The following PCDH15 variants were observed in gnomAD, a reference collection of about 807,000 sequenced individuals.
PCDH15 encodes the protein protocadherin related 15.
PCDH15 carries 129 observed loss-of-function variants against 178.5 expected under a neutral mutation model. The observed-to-expected ratio is 0.72, with a 90% CI of 0.63 to 0.84. The LOEUF (loss-of-function observed/expected upper bound fraction) is 0.84. Ranked by LOEUF, PCDH15 falls within the 40% of genes least tolerant of loss-of-function variation. PCDH15 has a pLI of 0.00. For missense variants in PCDH15, 2,230 were observed against 2,099.9 expected (o/e 1.06, Z -1.21); for synonymous variants, 800 against 732.0 (o/e 1.09, Z -1.50).
chr10:54,739,447 C>T (rs1029412342), intron 1 of PCDH15, among the ~76,000 whole-genome samples: 14 of 150,968 alleles, frequency 9.3e-5, no homozygotes, highest in Admixed American at 6.6e-4. Flanking sequence ...TGGTAAGATA[C>T]CTCATGTTTT....
At chr10:54,170,718 A>G (rs2046808238) in intron 13 of PCDH15, among the ~76,000 whole-genome samples, 1 of 151,190 alleles carries the variant, frequency 6.6e-6, no homozygotes, top group African/African-American at 2.4e-5. Flanking sequence ...CCTGTTCCTC[A>G]CCCTGATCAC....
intron 2 of PCDH15, among the ~76,000 whole-genome samples, chr10:55,043,825 A>T (rs1840929783): frequency 6.6e-6 from 1 of 152,100 alleles, no homozygotes; most frequent in South Asian, 2.1e-4. Flanking sequence ...GACTATCTGG[A>T]TACTTGCTTA....
intron 3 of PCDH15, among the ~76,000 whole-genome samples, chr10:54,858,324 C>T (rs1953777458): frequency 6.6e-6 from 1 of 152,122 alleles, no homozygotes; most frequent in African/African-American, 2.4e-5. Context: ...ATAGACACTT[C>T]AGTTGATTCC....
At chr10:53,975,490 G>A (rs1028199975) in intron 21 of PCDH15, among the ~76,000 whole-genome samples, 2 of 151,938 alleles carry the variant, frequency 1.3e-5, no homozygotes, top group Admixed American at 6.6e-5. Flanking sequence ...GGTGTGCGGT[G>A]GTATTTTACT....
At chr10:55,188,469 A>G (rs890102254) in intron 1 of PCDH15, among the ~76,000 whole-genome samples, 1 of 151,972 alleles carries the variant, frequency 6.6e-6, no homozygotes, top group Non-Finnish European at 1.5e-5. Flanking sequence ...TTTGTTAAAG[A>G]CAGAAAGTAA....
At chr10:55,356,343 A>C (rs762404432) in intron 2 of PCDH15, among the ~76,000 whole-genome samples, 7 of 151,854 alleles carry the variant, frequency 4.6e-5, no homozygotes, top group Non-Finnish European at 8.8e-5. Flanking sequence ...AAAATGAAAG[A>C]AAAGAGAATA....
At position 54,390,773 on chromosome 10, in the gene PCDH15, G is replaced by T. The variant is rs543438394; in HGVS notation, c.158-11831C>A. ...ACTGTCCAAATATAGTTACTGTAAG[G>T]CTATTAGGCAGAAGAGGACTAGAGA... is the stretch of plus-strand genomic sequence containing the variant. On this transcript the variant is annotated intron_variant, in intron 3 of 37. Coordinates refer to ENST00000644397, the MANE Select transcript of PCDH15 (RefSeq NM_001384140.1). Among the ~76,000 whole-genome samples the T allele has an allele frequency of 5.3e-5, 8 of 152,236 alleles. No individual in the cohort carries two copies. The South Asian group carries it at 1.7e-3, about 32-fold the overall frequency.
chr10:55,451,904 G>C (rs1839444173), intron 2 of PCDH15, among the ~76,000 whole-genome samples: 1 of 152,110 alleles, frequency 6.6e-6, no homozygotes, highest in Non-Finnish European at 1.5e-5. Context: ...ATAGGTCTCT[G>C]TTCTCTATTT....
intron 8 of PCDH15, among the ~76,000 whole-genome samples, chr10:54,257,637 G>A (rs1018580736): frequency 2.6e-5 from 4 of 151,916 alleles, no homozygotes; most frequent in Non-Finnish European, 4.4e-5. Context: ...GCTTGCTGAA[G>A]GCATCATAGA....
At chr10:53,900,834 C>T (rs1036533750) in intron 26 of PCDH15, among the ~76,000 whole-genome samples, 2 of 152,152 alleles carry the variant, frequency 1.3e-5, no homozygotes, top group African/African-American at 4.8e-5. Flanking sequence ...TAATGCCACC[C>T]ACTAAATTTC....
intron 3 of PCDH15, among the ~76,000 whole-genome samples, chr10:54,450,215 A>G (rs548829840): frequency 6.7e-6 from 1 of 149,444 alleles, no homozygotes; most frequent in South Asian, 2.1e-4. Flanking sequence ...ACATATGCAT[A>G]CATGTGCCAT....
intron 3 of PCDH15, among the ~76,000 whole-genome samples, chr10:54,893,754 T>C (rs1024121412): frequency 1.3e-5 from 2 of 152,116 alleles, no homozygotes; most frequent in Non-Finnish European, 2.9e-5. Context: ...TTCATACTTA[T>C]GACAGATAAA....
At chr10:55,313,994 T>A (rs1338321321) in intron 1 of PCDH15, among the ~76,000 whole-genome samples, 1 of 151,974 alleles carries the variant, frequency 6.6e-6, no homozygotes, top group Non-Finnish European at 1.5e-5. Flanking sequence ...AGGAACATAA[T>A]CTTCCTTTTA....
chr10:53,913,673 G>A (rs530683262), intron 25 of PCDH15, among the ~76,000 whole-genome samples: 2 of 151,850 alleles, frequency 1.3e-5, no homozygotes, highest in African/African-American at 4.8e-5. Flanking sequence ...GAACCCGGGA[G>A]GCAGAGCTTG....
intron 2 of PCDH15, among the ~76,000 whole-genome samples, chr10:55,449,634 T>C (rs2132079222): frequency 6.6e-6 from 1 of 152,220 alleles, no homozygotes; most frequent in South Asian, 2.1e-4. Context: ...ACGAAATATA[T>C]GATAGGAATA....
chr10:55,464,922 AAAAC>A (rs1307672639), intron 2 of PCDH15, among the ~76,000 whole-genome samples: 2 of 151,260 alleles, frequency 1.3e-5, no homozygotes, highest in African/African-American at 2.4e-5. Context: ...AAAAAGAAAC[AAAAC>A]AAACAAACAA....
intron 32 of PCDH15, chr10:53,823,026 C>G (rs1320542181): frequency 1.2e-6 from 2 of 1,613,986 alleles, no homozygotes; most frequent in South Asian, 1.1e-5. Context: ...AATCTTTTCT[C>G]TTGGGCCCCT....
At chr10:54,779,464 G>A (rs142630840) in intron 1 of PCDH15, among the ~76,000 whole-genome samples, 35,134 of 94,122 alleles carry the variant, frequency 0.37, 7,255 homozygotes, top group East Asian at 0.6. Context: ...ATATATGTGT[G>A]TATATATATA....
At chr10:55,506,819 C>T (rs11004894) in intron 2 of PCDH15, among the ~76,000 whole-genome samples, 4,756 of 151,472 alleles carry the variant, frequency 0.031, 114 homozygotes, top group Middle Eastern at 0.092. Flanking sequence ...TTTCATAATA[C>T]ATTTTTTAAC....
Sources: allele counts gnomAD v4.1 joint callset (sites outside exome capture counted in the v4.1 genomes callset), GRCh38; gene constraint gnomAD v4.1.1; transcripts MANE v1.5; gene names NCBI Gene and HGNC (gene_info 2026-07-23, HGNC 2026-07-21).